The following NPEPPS variants were observed in gnomAD, a reference collection of about 807,000 sequenced individuals.
The protein encoded by NPEPPS is aminopeptidase puromycin sensitive, also known as puromycin-sensitive aminopeptidase.
A neutral mutation model predicts 115.5 loss-of-function variants in NPEPPS; 14 were observed. That is an observed-to-expected ratio of 0.12 (90% CI 0.08 to 0.19). The LOEUF (loss-of-function observed/expected upper bound fraction) is 0.19. Ranked by LOEUF, NPEPPS falls within the 10% of genes least tolerant of loss-of-function variation. The pLI, the probability that NPEPPS is intolerant of heterozygous loss-of-function variation, is 1.00. For missense variants in NPEPPS, 523 were observed against 1,110.8 expected, an observed-to-expected ratio of 0.47 and a Z score of 7.52; for synonymous variants, 285 against 390.6, an observed-to-expected ratio of 0.73 and a Z score of 3.19.
intron 22 of NPEPPS, among the ~76,000 whole-genome samples, chr17:47,621,486 GA>G (rs1473013255): frequency 6.6e-6 from 1 of 152,094 alleles, no homozygotes; most frequent in East Asian, 1.9e-4. Context: ...TCATTCCAAA[GA>G]CTATATTTAC....
intron 2 of NPEPPS, among the ~76,000 whole-genome samples, chr17:47,553,202 A>G (rs1268094926): frequency 1.3e-5 from 2 of 151,480 alleles, no homozygotes; most frequent in Admixed American, 6.6e-5. Flanking sequence ...CCTCGTCTCT[A>G]CTAAAAAAAA....
rs376563645 is a variant in NPEPPS at position 47,605,407 on chromosome 17, T to A, written c.1950T>A (p.Thr650=). ...MEAFVNEPNY[T]VWSDLSCNLG... ...CTTTTGTGAATGAGCCCAATTATACTGTATGGAGCGACCTGAGCTGTAACC... is the reference window on the plus strand; with the variant it reads ...CTTTTGTGAATGAGCCCAATTATACAGTATGGAGCGACCTGAGCTGTAACC... Residue 650 remains threonine, a synonymous_variant, in exon 17 of 23, where the codon ACT becomes ACA. Coordinates refer to ENST00000322157, the MANE Select transcript of NPEPPS (RefSeq NM_006310.4). 12 of 1,610,912 alleles carry A rather than the reference T, an allele frequency of 7.4e-6. No homozygotes were observed. Among genetic ancestry groups the A allele is most frequent in the Non-Finnish European group, 9.3e-6 (11 of 1,178,564 alleles).
intron 2 of NPEPPS, among the ~76,000 whole-genome samples, chr17:47,550,808 G>A (rs1192196955): frequency 6.6e-6 from 1 of 151,786 alleles, no homozygotes; most frequent in East Asian, 1.9e-4. Context: ...TGTATTTTTA[G>A]TAGAGACAGG....
chr17:47,601,847 A>C, intron 15 of NPEPPS, 100 bp downstream of exon 15: 1 of 1,267,164 alleles, frequency 7.9e-7, no homozygotes. Flanking sequence ...GAAAAAAAAA[A>C]ACCTAAACTT....
rs368331551 is a variant in NPEPPS at position 47,541,794 on chromosome 17, G to A, written c.256-4115G>A. On this transcript the variant is annotated intron_variant, in intron 1 of 22. Coordinates refer to ENST00000322157, the MANE Select transcript of NPEPPS (RefSeq NM_006310.4). ...AAAGGTTTTAGTGCTATTTAGGTAT[G>A]TTTTGGTGAAATAGTGTGAAGGAAT... Among the ~76,000 whole-genome samples the A allele has an allele frequency of 5.9e-5, 9 of 152,322 alleles. No individual in the cohort carries two copies. In the East Asian group the frequency reaches 1.3e-3, roughly 23 times the overall value.
At chr17:47,575,630 A>T (rs1911472972) in intron 3 of NPEPPS, among the ~76,000 whole-genome samples, 1 of 143,426 alleles carries the variant, frequency 7.0e-6, no homozygotes, top group Admixed American at 7.0e-5. Context: ...TTTGAGATGG[A>T]GTCTTGCTCT....
chr17:47,547,671 T>C (rs1418759247), intron 2 of NPEPPS, among the ~76,000 whole-genome samples: 1 of 152,140 alleles, frequency 6.6e-6, no homozygotes, highest in Non-Finnish European at 1.5e-5. Context: ...TTTTTACTTT[T>C]GATTTCACCT....
chr17:47,574,494 G>A (rs1174288825), intron 3 of NPEPPS, among the ~76,000 whole-genome samples: 1 of 152,144 alleles, frequency 6.6e-6, no homozygotes, highest in Admixed American at 6.6e-5. Context: ...TAACATGATA[G>A]AAGATATGGA....
At chr17:47,585,449 A>T (rs1912124626) in intron 5 of NPEPPS, 51 bp from the exon 6 acceptor site, 3 of 1,329,882 alleles carry the variant, frequency 2.3e-6, no homozygotes, top group East Asian at 4.8e-5. Flanking sequence ...TATTTGCTCT[A>T]TGGTATTAAT....
intron 4 of NPEPPS, chr17:47,580,114 A>G (rs750251445): frequency 6.6e-6 from 1 of 152,102 alleles, no homozygotes; most frequent in African/African-American, 2.4e-5. Context: ...ATTTCTGTAA[A>G]TTTCAATATG....
rs541030003 is a variant in NPEPPS, at chr17:47,534,150, G to C, written c.255+2595G>C. 3.0e-3 allele frequency among the ~76,000 whole-genome samples: 451 copies of C among 151,770 alleles called. 4 individuals carry two copies. The highest frequency in any genetic ancestry group is 0.01 in the African/African-American group (432 of 41,364). ...TCTGTCGCCCAGGCTGGAGTGCAGTGGCACGATCTCGCCTCACTGCAAGCT... is the reference window on the plus strand; with the variant it reads ...TCTGTCGCCCAGGCTGGAGTGCAGTCGCACGATCTCGCCTCACTGCAAGCT... On this transcript the variant is annotated intron_variant, in intron 1 of 22. Transcript: ENST00000322157.
chr17:47,531,246 C>G lies in NPEPPS; in HGVS notation c.-55C>G, dbSNP rs1275422938. Reference sequence around the variant, plus strand: ...CTAGCGCTCCGGCTGGGTCTCTCCCCCGCCCCCCAGGCTCCCCCGGTCGCT... The same window carrying G: ...CTAGCGCTCCGGCTGGGTCTCTCCCGCGCCCCCCAGGCTCCCCCGGTCGCT... On this transcript the variant is annotated 5_prime_UTR_variant, in exon 1 of 23. Transcript: ENST00000322157. The G allele has an allele frequency of 1.4e-5, 21 of 1,486,308 alleles. No individual in the cohort carries two copies. The highest frequency in any genetic ancestry group is 1.8e-5 in the Non-Finnish European group (20 of 1,119,658). 92.1% of individuals were successfully genotyped at this position (1,486,308 alleles called of 1,614,324 possible).
chr17:47,558,498 C>T (rs541341230), intron 2 of NPEPPS, among the ~76,000 whole-genome samples: 9 of 152,222 alleles, frequency 5.9e-5, no homozygotes, highest in Non-Finnish European at 1.2e-4. Flanking sequence ...GGCTAGATCT[C>T]GGCTCACTGC....
At chr17:47,556,755 T>C (rs1157475212) in intron 2 of NPEPPS, among the ~76,000 whole-genome samples, 1 of 152,166 alleles carries the variant, frequency 6.6e-6, no homozygotes, top group Non-Finnish European at 1.5e-5. Context: ...GCAATTCTCT[T>C]GCCTCTGCCT....
intron 20 of NPEPPS, 73 bp from the exon 21 acceptor site, chr17:47,618,936 C>G (rs925319510): frequency 3.1e-5 from 42 of 1,360,678 alleles, no homozygotes; most frequent in Non-Finnish European, 3.8e-5. Flanking sequence ...TTCAGTGTCA[C>G]AGTATGGTGC....
chr17:47,551,084 G>A (rs1341501847), intron 2 of NPEPPS, among the ~76,000 whole-genome samples: 2 of 152,102 alleles, frequency 1.3e-5, no homozygotes, highest in Non-Finnish European at 2.9e-5. Flanking sequence ...ATTTCTCAAT[G>A]GAACTTTACT....
chr17:47,527,451 T>C (rs2143635412), upstream of NPEPPS, among the ~76,000 whole-genome samples: 1 of 151,612 alleles, frequency 6.6e-6, no homozygotes, highest in East Asian at 2.0e-4. Flanking sequence ...ACCATTGCAC[T>C]CCAGCCTGGG....
intron 1 of NPEPPS, among the ~76,000 whole-genome samples, chr17:47,538,202 C>CTTT (rs543559258): frequency 0.018 from 1,057 of 58,456 alleles, 147 homozygotes; most frequent in East Asian, 0.032. Context: ...CATATCTGTT[C>CTTT]TTTTTTTTTT....
chr17:47,570,985 A>T (rs564444632), intron 3 of NPEPPS, among the ~76,000 whole-genome samples: 1 of 152,378 alleles, frequency 6.6e-6, no homozygotes, highest in South Asian at 2.1e-4. Flanking sequence ...AAAATACTTT[A>T]TGCCCAGAAG....
Sources: allele counts gnomAD v4.1 joint callset (sites outside exome capture counted in the v4.1 genomes callset), GRCh38; gene constraint gnomAD v4.1.1; transcripts MANE v1.5; gene names NCBI Gene and HGNC (gene_info 2026-07-23, HGNC 2026-07-21).